Variants in NLGN4X observed in about 807,000 individuals in gnomAD.
NLGN4X encodes neuroligin-4, X-linked.
A neutral mutation model predicts 40.3 loss-of-function variants in NLGN4X; 3 were observed. The observed-to-expected ratio is 0.07, with a 90% confidence interval of 0.03 to 0.19. The LOEUF is 0.19. NLGN4X is among the 10% of genes least tolerant of loss of function. NLGN4X has a pLI of 1.00. For synonymous variants in NLGN4X, 270 were observed against 306.8 expected (o/e 0.88, Z 1.25); for missense variants, 382 against 708.3 (o/e 0.54, Z 5.23).
intron 1 of NLGN4X, among the ~76,000 whole-genome samples, 187 bp from the exon 2 acceptor site, chrX:6,151,958 TG>T (rs1297852342): frequency 9.0e-6 from 1 of 111,596 alleles, no homozygotes; most frequent in Non-Finnish European, 1.9e-5. Flanking sequence ...TTATTTATTT[TG>T]TTTTTTTTAG....
At chrX:6,228,508 T>C (rs1187288072) in intron 1 of NLGN4X, 33 bp downstream of exon 1, 2 of 112,251 alleles carry the variant, frequency 1.8e-5, no homozygotes, top group Non-Finnish European at 3.8e-5. Context: ...ATGAGAATAA[T>C]GTCCCAGAGA....
chrX:6,137,334 CAG>C (rs2039841812), intron 2 of NLGN4X, among the ~76,000 whole-genome samples: 1 of 111,872 alleles, frequency 8.9e-6, no homozygotes, highest in Non-Finnish European at 1.9e-5. Context: ...TTCCCTAACA[CAG>C]TATGAACTCA....
At chrX:6,063,454 G>A (rs2037823723) in intron 2 of NLGN4X, among the ~76,000 whole-genome samples, 1 of 111,874 alleles carries the variant, frequency 8.9e-6, no homozygotes, top group African/African-American at 3.2e-5. Context: ...ACTGCACCCA[G>A]CCTGAATGAC....
intron 2 of NLGN4X, among the ~76,000 whole-genome samples, chrX:6,111,047 G>A (rs2039137505): frequency 9.0e-6 from 1 of 111,666 alleles, no homozygotes. Flanking sequence ...AGACCATGAT[G>A]CAAGGCAATG....
intron 3 of NLGN4X, among the ~76,000 whole-genome samples, chrX:5,994,754 T>C (rs1218599906): frequency 8.9e-6 from 1 of 112,141 alleles, no homozygotes; most frequent in Non-Finnish European, 1.9e-5. Flanking sequence ...GTTACCTGTT[T>C]GCAGGCCACA....
chrX:5,914,595 G>GTA (rs1333387951), intron 3 of NLGN4X, among the ~76,000 whole-genome samples: 16 of 79,545 alleles, frequency 2.0e-4, no homozygotes, highest in Non-Finnish European at 2.8e-4. Context: ...ATGTGTGTAT[G>GTA]TATATATATA....
intron 1 of NLGN4X, among the ~76,000 whole-genome samples, chrX:6,164,503 T>G (rs2040461186): frequency 8.9e-6 from 1 of 112,076 alleles, no homozygotes; most frequent in African/African-American, 3.2e-5. Flanking sequence ...TGGCAGTGGG[T>G]CTGCAGATGG....
At chrX:6,119,152 C>T (rs887474967) in intron 2 of NLGN4X, among the ~76,000 whole-genome samples, 23 of 112,014 alleles carry the variant, frequency 2.1e-4, no homozygotes, top group African/African-American at 7.5e-4. Context: ...TCTACTATTT[C>T]ACTACAATTA....
At chrX:6,182,494 T>C (rs1209940593) in intron 1 of NLGN4X, among the ~76,000 whole-genome samples, 2 of 112,131 alleles carry the variant, frequency 1.8e-5, no homozygotes, top group Non-Finnish European at 3.8e-5. Flanking sequence ...ATCATACGAT[T>C]ATAGCATCCT....
rs2040168347 is a variant in NLGN4X at position 6,151,603 on chromosome X, G to T, written c.-137C>A. On this transcript the variant is annotated 5_prime_UTR_variant, in exon 2 of 6. The change creates a new upstream start codon in the 5' untranslated region. Coordinates refer to ENST00000381095, the MANE Select transcript of NLGN4X (RefSeq NM_181332.3). ...GGGAGAGACTCTCAGACTGATCACA[G>T]ACAGAGCCTGAGGTTAAGAACAAGC... 1.9e-6 allele frequency: 1 copy of T among 535,917 alleles called. No individual in the cohort carries two copies. The highest frequency in any genetic ancestry group is 3.2e-6 in the Non-Finnish European group (1 of 312,452). The allele number at this position is 535,917 out of a possible 1,213,427, so 44.2% of individuals were successfully genotyped here. A position where few individuals can be genotyped will look rare whatever the true frequency, so the allele number is the denominator to read the frequency against.
At chrX:5,963,738 G>C (rs2034736380) in intron 3 of NLGN4X, among the ~76,000 whole-genome samples, 1 of 112,075 alleles carries the variant, frequency 8.9e-6, no homozygotes, top group African/African-American at 3.2e-5. Flanking sequence ...TAAACAAACA[G>C]AAAGGAGACC....
intron 1 of NLGN4X, among the ~76,000 whole-genome samples, chrX:6,225,606 CCA>C (rs781228322): frequency 9.6e-6 from 1 of 103,895 alleles, no homozygotes; most frequent in Non-Finnish European, 2.0e-5. Flanking sequence ...CGCAGAACGC[CCA>C]CACAAACTGG....
chrX:6,213,906 C>T (rs1924836942), intron 1 of NLGN4X, among the ~76,000 whole-genome samples: 1 of 111,861 alleles, frequency 8.9e-6, no homozygotes, highest in Admixed American at 9.5e-5. Flanking sequence ...GGAGCATTCC[C>T]AGCGCACTTA....
chrX:6,085,610 T>C (rs2038478525), intron 2 of NLGN4X, among the ~76,000 whole-genome samples: 1 of 112,550 alleles, frequency 8.9e-6, no homozygotes, highest in African/African-American at 3.2e-5. Flanking sequence ...TTGCCTTGAA[T>C]TCTCATGTTA....
At chrX:6,056,053 A>G (rs2037617051) in intron 2 of NLGN4X, among the ~76,000 whole-genome samples, 1 of 112,534 alleles carries the variant, frequency 8.9e-6, no homozygotes. Flanking sequence ...GCCTATTACT[A>G]TTTTATCCAT....
At chrX:6,128,077 A>G (rs1004524619) in intron 2 of NLGN4X, among the ~76,000 whole-genome samples, 2 of 111,211 alleles carry the variant, frequency 1.8e-5, no homozygotes, top group African/African-American at 6.6e-5. Context: ...GCAAGAGGCT[A>G]CCACAAGGTG....
At chrX:6,042,685 T>TTATATAAA (rs2037190587) in intron 2 of NLGN4X, among the ~76,000 whole-genome samples, 3 of 28,393 alleles carry the variant, frequency 1.1e-4, no homozygotes, top group Non-Finnish European at 1.7e-4. Flanking sequence ...CATAGAGGTT[T>TTATATAAA]TATATATATA....
rs1425442562 is a variant in NLGN4X at position 6,070,957 on chromosome X, G to C, written c.473-41525C>G. Among the ~76,000 whole-genome samples, 7 of 111,150 alleles carry C rather than the reference G, an allele frequency of 6.3e-5. No individual in the cohort carries two copies. In the Admixed American group the frequency reaches 6.7e-4, roughly 11 times the overall value. ...CGCCAGATTCCTCCCTCAACATCTG[G>C]GGATTACAATTCAAGATGATATTCA... On this transcript the variant is annotated intron_variant, in intron 2 of 5. Transcript: ENST00000381095.
intron 4 of NLGN4X, among the ~76,000 whole-genome samples, chrX:5,905,493 T>G (rs184998609): frequency 1.8e-5 from 2 of 112,270 alleles, no homozygotes; most frequent in African/African-American, 6.5e-5. Context: ...CTTAAATTAT[T>G]ATTGAGTAAA....
Sources: allele counts gnomAD v4.1 joint callset (sites outside exome capture counted in the v4.1 genomes callset), GRCh38; gene constraint gnomAD v4.1.1; transcripts MANE v1.5; gene names NCBI Gene and HGNC (gene_info 2026-07-23, HGNC 2026-07-21).